CFAP53: variants seen among roughly 807,000 people sequenced by gnomAD.
CFAP53 encodes cilia- and flagella-associated protein 53.
Under a neutral mutation model 59.7 loss-of-function variants are expected in CFAP53, and 62 were observed. The observed-to-expected ratio is 1.04, with a 90% confidence interval of 0.85 to 1.28. CFAP53 has a LOEUF of 1.28. CFAP53 is among the 50% of genes most tolerant of loss of function. CFAP53 has a pLI of 0.00. For missense variants in CFAP53, 629 were observed against 615.6 expected (o/e 1.02, Z -0.23); for synonymous variants, 218 against 205.7 (o/e 1.06, Z -0.51).
intron 7 of CFAP53, among the ~76,000 whole-genome samples, chr18:50,236,669 T>C (rs949973120): frequency 6.6e-6 from 1 of 152,102 alleles, no homozygotes; most frequent in Non-Finnish European, 1.5e-5. Flanking sequence ...ATAACTGAGA[T>C]CCCTGACTAC....
In CFAP53 at chr18:50,242,896, T is replaced by C. The variant is rs745472916; in HGVS notation, c.1213+4A>G. 3.1e-6 allele frequency: 5 copies of C among 1,610,144 alleles called. No homozygotes were observed. The Admixed American group carries it at 8.3e-5, about 27-fold the overall frequency. ...TATAATATAACTGTAATTCAGTTCCTTACACTTTTCTTGAACTTGAAGTTT... is the reference window on the plus strand; with the variant it reads ...TATAATATAACTGTAATTCAGTTCCCTACACTTTTCTTGAACTTGAAGTTT... On this transcript the variant is annotated splice_donor_region_variant and intron_variant, in intron 6 of 7. Coordinates refer to ENST00000398545, the MANE Select transcript of CFAP53 (RefSeq NM_145020.5).
At chr18:50,243,606 C>T (rs1486663177) in intron 5 of CFAP53, among the ~76,000 whole-genome samples, 5 of 152,144 alleles carry the variant, frequency 3.3e-5, no homozygotes, top group Non-Finnish European at 7.4e-5. Flanking sequence ...TGCTTTATTA[C>T]AGCAATTCTC....
intron 1 of CFAP53, among the ~76,000 whole-genome samples, chr18:50,263,375 G>A (rs1396059658): frequency 2.0e-5 from 3 of 152,164 alleles, no homozygotes; most frequent in African/African-American, 4.8e-5. Context: ...AGAATACTAG[G>A]GTTAGGTGTT....
At chr18:50,260,546 T>C (rs771686208) in intron 3 of CFAP53, among the ~76,000 whole-genome samples, 6 of 152,118 alleles carry the variant, frequency 3.9e-5, no homozygotes, top group Non-Finnish European at 7.4e-5. Flanking sequence ...GTGCCTATAG[T>C]CTCAGCTACT....
chr18:50,243,054 T>C lies in CFAP53; in HGVS notation c.1059A>G (p.Glu353=), dbSNP rs762156930. 3 of 1,613,816 alleles carry C rather than the reference T, an allele frequency of 1.9e-6. No individual in the cohort carries two copies. The highest frequency in any genetic ancestry group is 4.5e-5 in the East Asian group (2 of 44,884). Residue 353 remains glutamate, a synonymous_variant, in exon 6 of 8, where the codon GAA becomes GAG. Coordinates refer to ENST00000398545, the MANE Select transcript of CFAP53 (RefSeq NM_145020.5). ...HKYLAQRREE[E]KAQEKEFDRI... The stretch of plus-strand genomic sequence containing the variant: ...TGTCAAATTCTTTCTCCTGAGCTTT[T>C]TCTTCCTCACGTCTCTGTGCCAAAT...
chr18:50,234,739 T>C (rs1208410358), intron 7 of CFAP53, among the ~76,000 whole-genome samples: 6 of 152,236 alleles, frequency 3.9e-5, no homozygotes, highest in Non-Finnish European at 5.9e-5. Context: ...TTGTGATCCT[T>C]CCTAAGTTGG....
intron 2 of CFAP53, among the ~76,000 whole-genome samples, 196 bp downstream of exon 2, chr18:50,261,794 G>T (rs1254639083): frequency 6.6e-6 from 1 of 152,040 alleles, no homozygotes; most frequent in African/African-American, 2.4e-5. Flanking sequence ...AATGAAATAT[G>T]AAACAATATA....
At position 50,234,649 on chromosome 18, in the gene CFAP53, C is replaced by T. The variant is rs116539583; in HGVS notation, c.1316+3954G>A. Among the ~76,000 whole-genome samples, 1,449 of 152,230 alleles carry T rather than the reference C, an allele frequency of 9.5e-3. 18 individuals are homozygous for T. Among genetic ancestry groups the T allele is most frequent in the African/African-American group, 0.034 (1,392 of 41,512 alleles). On this transcript the variant is annotated intron_variant, in intron 7 of 7. Coordinates refer to ENST00000398545, the MANE Select transcript of CFAP53 (RefSeq NM_145020.5). ...AGCCTTGCCTATTAAATGGAGAGGA[C>T]GTGCACTATAGTTGCAGCAATACCT...
chr18:50,262,149 T>C lies in CFAP53; in HGVS notation c.140A>G (p.His47Arg). ...LERIRRSHQK[H>R]NAILASIKSS... is the part of the protein sequence containing the mutation. ...CTTAATGGAAGCCAAAATAGCATTA[T>C]GCTTCTGATGGCTGCGTCGGATTCT... Residue 47 changes from histidine to arginine, a missense_variant, in exon 2 of 8, where the codon CAT (histidine) becomes CGT (arginine). Transcript: ENST00000398545. 6.2e-7 allele frequency: 1 copy of C among 1,614,264 alleles called. No individual in the cohort carries two copies. The highest frequency in any genetic ancestry group is 2.2e-5 in the East Asian group (1 of 44,888).
intron 3 of CFAP53, among the ~76,000 whole-genome samples, chr18:50,255,357 G>A (rs189690744): frequency 1.3e-5 from 2 of 152,128 alleles, no homozygotes; most frequent in Admixed American, 6.5e-5. Flanking sequence ...GAATAGTTCT[G>A]TATCTTGATT....
Position 50,251,655 on chromosome 18 carries a change from G to A in CFAP53, c.603C>T (p.Phe201=), listed in dbSNP as rs753295525. ...ATCGGTCTTCCTCCCAGAGTTTGGA[G>A]AACATCTGCTCTTCCACCAGCTTTT... ...SRQKLVEEQM[F]SKLWEEDRLA... Residue 201 remains phenylalanine, a synonymous_variant, in exon 4 of 8, where the codon TTC becomes TTT. Transcript: ENST00000398545. The A allele has an allele frequency of 6.2e-7, 1 of 1,614,060 alleles. No homozygotes were observed. Among genetic ancestry groups the A allele is most frequent in the African/African-American group, 1.3e-5 (1 of 74,924 alleles).
chr18:50,243,359 C>T (rs192326749), intron 5 of CFAP53, among the ~76,000 whole-genome samples: 128 of 152,130 alleles, frequency 8.4e-4, no homozygotes, highest in Admixed American at 1.4e-3. Context: ...GTGATGGACA[C>T]GTGGGGACTC....
At chr18:50,251,117 C>T (rs994574290) in intron 4 of CFAP53, 141 bp from the exon 5 acceptor site, 4 of 740,952 alleles carry the variant, frequency 5.4e-6, no homozygotes, top group African/African-American at 1.8e-5. Context: ...GAAAGAAAAC[C>T]TTCCTTTTCG....
intron 3 of CFAP53, among the ~76,000 whole-genome samples, chr18:50,255,790 A>G (rs1251263120): frequency 1.3e-5 from 2 of 152,128 alleles, no homozygotes; most frequent in African/African-American, 4.8e-5. Context: ...TTTATTCATA[A>G]GAGTCCCAAA....
intron 6 of CFAP53, among the ~76,000 whole-genome samples, chr18:50,240,048 C>A (rs964939565): frequency 2.6e-5 from 4 of 152,224 alleles, no homozygotes; most frequent in African/African-American, 9.6e-5. Context: ...CATAAAGTGA[C>A]CTTTTTTGAT....
chr18:50,239,101 C>T (rs1270637454), intron 6 of CFAP53, among the ~76,000 whole-genome samples: 1 of 149,862 alleles, frequency 6.7e-6, no homozygotes, highest in Non-Finnish European at 1.5e-5. Context: ...ATATATAAAG[C>T]TCTTGGCTGG....
At chr18:50,258,381 T>C (rs1400212901) in intron 3 of CFAP53, among the ~76,000 whole-genome samples, 2 of 152,192 alleles carry the variant, frequency 1.3e-5, no homozygotes, top group African/African-American at 4.8e-5. Flanking sequence ...TATATGATGC[T>C]GGGAAAACTG....
Position 50,227,597 on chromosome 18 carries a change from T to C in CFAP53, c.1329A>G (p.Leu443=). 6.2e-7 allele frequency: 1 copy of C among 1,613,738 alleles called. No homozygotes were observed. The highest frequency in any genetic ancestry group is 8.5e-7 in the Non-Finnish European group (1 of 1,179,604). The change falls in exon 8 of 8, where the codon TTA becomes TTG. Residue 443 remains leucine (L), a synonymous_variant. Coordinates refer to ENST00000398545, the MANE Select transcript of CFAP53 (RefSeq NM_145020.5). ...EKENFARRQR[L]AQEYRKQLQM... is the part of the protein sequence containing the mutation. The stretch of plus-strand genomic sequence containing the variant: ...GAAGTTGCTTCCTGTACTCCTGGGC[T>C]AAACGTTGGCGTCTAAAGTATTAGA...
At chr18:50,239,868 G>A (rs896357454) in intron 6 of CFAP53, among the ~76,000 whole-genome samples, 2 of 152,034 alleles carry the variant, frequency 1.3e-5, no homozygotes, top group South Asian at 4.1e-4. Context: ...GTAGAATTAT[G>A]GTTGATTTTG....
Sources: allele counts gnomAD v4.1 joint callset (sites outside exome capture counted in the v4.1 genomes callset), GRCh38; gene constraint gnomAD v4.1.1; transcripts MANE v1.5; gene names NCBI Gene and HGNC (gene_info 2026-07-23, HGNC 2026-07-21).